The following NBPF12 variants were observed in gnomAD, a reference collection of about 807,000 sequenced individuals.
NBPF12 encodes NBPF member 12, also known as NBPF family member NBPF12.
A neutral mutation model predicts 146.4 loss-of-function variants in NBPF12; 115 were observed. That is an observed-to-expected ratio of 0.79 (90% CI 0.68 to 0.92). NBPF12 has a LOEUF of 0.92. NBPF12 is among the 40% of genes least tolerant of loss of function. The pLI, the probability that NBPF12 is intolerant of heterozygous loss-of-function variation, is 0.00. For missense variants in NBPF12, 1,205 were observed against 1,326.8 expected (o/e 0.91, Z 1.43); for synonymous variants, 385 against 508.9 (o/e 0.76, Z 3.28).
At chr1:146,954,967 GGAATATATATATATATATATATATA>G (rs1655510644) in intron 2 of NBPF12, among the ~76,000 whole-genome samples, 2 of 32,696 alleles carry the variant, frequency 6.1e-5, no homozygotes, top group South Asian at 2.8e-3. Context: ...CTCCAAATAG[GGAATATATATATATATATATATATA>G]TATATATATA....
chr1:146,956,239 G>C (rs1159066912), intron 2 of NBPF12, among the ~76,000 whole-genome samples: 2 of 151,842 alleles, frequency 1.3e-5, no homozygotes, highest in African/African-American at 4.8e-5. Context: ...TTACATTGAT[G>C]CATGAAAGAA....
chr1:146,957,776 C>T lies in NBPF12; in HGVS notation c.-183-2083C>T, dbSNP rs1220837181. 3.0e-5 allele frequency: 4 copies of T among 131,596 alleles called. 1 individual carries two copies. The highest frequency in any genetic ancestry group is 6.7e-4 in the South Asian group (2 of 2,976). 8.2% of individuals were successfully genotyped at this position (131,596 alleles called of 1,614,324 possible). A position where few individuals can be genotyped will look rare whatever the true frequency, so the allele number is the denominator to read the frequency against. On this transcript the variant is annotated intron_variant, in intron 2 of 33. Coordinates refer to ENST00000617844, the Ensembl canonical transcript of NBPF12. ...AGCTCGATGCAGGTGCTGTCCTCCT[C>T]GCCACGACTCTGCTAGCTGTGCAGT...
Position 146,964,881 on chromosome 1 carries a change from C to T in NBPF12, c.567-12C>T. ...TAATCTTCTGTCATCTCTGTCCCAC[C>T]TGGCTCATCAGGGAGGTGCAGAAGG... is the stretch of plus-strand genomic sequence containing the variant. On this transcript the variant is annotated splice_polypyrimidine_tract_variant and intron_variant, in intron 7 of 33. Coordinates refer to ENST00000617844, the Ensembl canonical transcript of NBPF12. The T allele has an allele frequency of 2.6e-6, 4 of 1,563,236 alleles. No individual in the cohort carries two copies. The highest frequency in any genetic ancestry group is 3.5e-6 in the Non-Finnish European group (4 of 1,137,386).
At chr1:146,969,539 G>A in exon 11 of NBPF12, 8 of 1,535,122 alleles carry the variant, frequency 5.2e-6, no homozygotes, top group Non-Finnish European at 6.3e-6. Context: ...GGACCTCCAA[G>A]AACAGCTGGC....
chr1:146,984,519 C>T (rs1657603880), intron 21 of NBPF12, among the ~76,000 whole-genome samples: 1 of 150,414 alleles, frequency 6.6e-6, no homozygotes, highest in African/African-American at 2.5e-5. Flanking sequence ...AGCACAAATA[C>T]AGAGTGTCCT....
At chr1:146,980,462 C>A (rs1369787186) in intron 19 of NBPF12, among the ~76,000 whole-genome samples, 1 of 151,824 alleles carries the variant, frequency 6.6e-6, no homozygotes, top group Non-Finnish European at 1.5e-5. Flanking sequence ...CCGGTTGTTC[C>A]TTTCCATGTT....
upstream of NBPF12, among the ~76,000 whole-genome samples, chr1:146,938,428 C>T (rs1481015136): frequency 6.6e-6 from 1 of 152,102 alleles, no homozygotes; most frequent in Non-Finnish European, 1.5e-5. Context: ...TTTAACCTGG[C>T]AGGGGCGGTT....
exon 13 of NBPF12, chr1:146,971,345 C>T: frequency 1.9e-6 from 3 of 1,611,868 alleles, no homozygotes; most frequent in East Asian, 2.2e-5. Context: ...TGGTTGTAGA[C>T]AGAGAATCCT....
At chr1:146,980,105 A>C (rs1345913463) in intron 19 of NBPF12, among the ~76,000 whole-genome samples, 1 of 151,176 alleles carries the variant, frequency 6.6e-6, no homozygotes, top group African/African-American at 2.4e-5. Flanking sequence ...TGTTGGTTTA[A>C]AGTCTGTTTT....
At chr1:146,964,504 A>G (rs1221719118) in intron 7 of NBPF12, 75 bp downstream of exon 10, 3 of 1,591,198 alleles carry the variant, frequency 1.9e-6, no homozygotes, top group Non-Finnish European at 2.6e-6. Flanking sequence ...CCTCTCTGGC[A>G]TCTATGGTGG....
exon 14 of NBPF12, chr1:146,972,795 T>C: frequency 7.6e-7 from 1 of 1,307,740 alleles, no homozygotes; most frequent in Non-Finnish European, 1.1e-6. Context: ...CATGGTGGTA[T>C]CAGCCGGCCC....
intron 10 of NBPF12, among the ~76,000 whole-genome samples, chr1:146,968,913 G>T (rs1656381798): frequency 6.6e-6 from 1 of 151,212 alleles, no homozygotes; most frequent in African/African-American, 2.5e-5. Context: ...ACTGACTGCG[G>T]CTTCTCATTC....
At chr1:146,952,930 G>A (rs1188024306) in intron 2 of NBPF12, among the ~76,000 whole-genome samples, 2 of 150,546 alleles carry the variant, frequency 1.3e-5, no homozygotes, top group Admixed American at 6.6e-5. Context: ...GGGTCCCATA[G>A]CATTATTTAC....
At chr1:146,965,400 T>A (rs1656121089) in intron 8 of NBPF12, among the ~76,000 whole-genome samples, 2 of 151,360 alleles carry the variant, frequency 1.3e-5, no homozygotes, top group South Asian at 4.2e-4. Context: ...CTCAGGAGAC[T>A]TAGGTGGGAG....
chr1:146,994,941 T>C (rs1378973483), exon 34 of NBPF12: 3 of 360,190 alleles, frequency 8.3e-6, no homozygotes, highest in Non-Finnish European at 1.6e-5. Flanking sequence ...GTTTAGTTCA[T>C]CCAAAGGTGT....
chr1:146,963,450 T>G, intron 6 of NBPF12, 141 bp downstream of exon 9: 7 of 1,575,132 alleles, frequency 4.4e-6, no homozygotes, highest in Non-Finnish European at 6.1e-6. Flanking sequence ...CAGGACTTCC[T>G]GGGTAAGAAC....
intron 15 of NBPF12, among the ~76,000 whole-genome samples, chr1:146,975,224 A>G (rs1462641379): frequency 3.6e-5 from 5 of 137,052 alleles, no homozygotes; most frequent in Non-Finnish European, 6.1e-5. Flanking sequence ...CTTTCACTCA[A>G]TCAATGTTGC....
At chr1:146,946,449 A>G (rs1270253517), upstream of NBPF12, among the ~76,000 whole-genome samples, 11 of 142,450 alleles carry the variant, frequency 7.7e-5, no homozygotes, top group Non-Finnish European at 1.7e-4. Flanking sequence ...GATTTTGAGC[A>G]TCTTTCTCAT....
intron 2 of NBPF12, among the ~76,000 whole-genome samples, chr1:146,943,853 C>T (rs1377143102): frequency 2.0e-5 from 3 of 148,706 alleles, no homozygotes. Context: ...CTCTCTCTTC[C>T]CCTCTCACCC....
Sources: allele counts gnomAD v4.1 joint callset (sites outside exome capture counted in the v4.1 genomes callset), GRCh38; gene constraint gnomAD v4.1.1; transcripts MANE v1.5; gene names NCBI Gene and HGNC (gene_info 2026-07-23, HGNC 2026-07-21).